The following REST variants were observed in gnomAD, a reference collection of about 807,000 sequenced individuals.
REST encodes RE1-silencing transcription factor.
REST carries 1 observed loss-of-function variant against 30.4 expected under a neutral mutation model. That is an observed-to-expected ratio of 0.03 (90% CI 0.01 to 0.16). The LOEUF (loss-of-function observed/expected upper bound fraction) is 0.16. REST is among the 10% of genes least tolerant of loss of function. The probability of loss-of-function intolerance (pLI) is 1.00; values close to 1 mark genes in which losing one functional copy is unlikely to be tolerated. For synonymous variants in REST, 504 were observed against 451.1 expected (o/e 1.12, Z -1.49); for missense variants, 1,259 against 1,329.5 (o/e 0.95, Z 0.82).
Position 56,935,250 on chromosome 4 carries a change from T to G in REST, c.*3098T>G, listed in dbSNP as rs1179902959. The G allele has an allele frequency of 6.6e-6, 1 of 152,220 alleles. No homozygotes were observed. The highest frequency in any genetic ancestry group is 1.5e-5 in the Non-Finnish European group (1 of 68,038). The allele number at this position is 152,220 out of a possible 1,614,324, so 9.4% of individuals were successfully genotyped here. ...CTGTAGTATACTGTCACTTCTGGATTGATAAGCTGAGGAAGAAAGTTAAGT... is the reference window on the plus strand; with the variant it reads ...CTGTAGTATACTGTCACTTCTGGATGGATAAGCTGAGGAAGAAAGTTAAGT... On this transcript the variant is annotated 3_prime_UTR_variant, in exon 4 of 4. Coordinates refer to ENST00000309042, the MANE Select transcript of REST (RefSeq NM_005612.5).
chr4:56,931,437 T>G lies in REST; in HGVS notation c.2579T>G (p.Leu860Arg), dbSNP rs773645911. ...AAGGAAAGTGTAAGCACAGAGGATC[T>G]CTCACCACCATCACCACCACTGCCA... ...LLKESVSTED[L>R]SPPSPPLPKE... Residue 860 changes from leucine to arginine, a missense_variant, in exon 4 of 4, where the codon CTC (leucine) becomes CGC (arginine). Leu to Arg is a moderately radical substitution (Grantham distance 102, BLOSUM62 -2). Transcript: ENST00000309042. 1.2e-6 allele frequency: 2 copies of G among 1,614,086 alleles called. No individual in the cohort carries two copies. Among genetic ancestry groups the G allele is most frequent in the African/African-American group, 2.7e-5 (2 of 74,928 alleles).
chr4:56,932,285 C>A lies in REST; in HGVS notation c.*133C>A. ...GTTGATTTTTAAGTGGCATTCTTTT[C>A]CTTAGGACTTTTTATGTATACCTGT... is the stretch of plus-strand genomic sequence containing the variant. On this transcript the variant is annotated 3_prime_UTR_variant, in exon 4 of 4. Transcript: ENST00000309042. 1.0e-6 allele frequency: 1 copy of A among 1,004,486 alleles called. No homozygotes were observed. The highest frequency in any genetic ancestry group is 1.4e-6 in the Non-Finnish European group (1 of 702,492). The allele number at this position is 1,004,486 out of a possible 1,614,324, so 62.2% of individuals were successfully genotyped here. A position where few individuals can be genotyped will look rare whatever the true frequency, so the allele number is the denominator to read the frequency against.
Position 56,934,394 on chromosome 4 carries a change from TTCTAA to T in REST, c.*2247_*2251del, listed in dbSNP as rs950017797. ...TTGCCTTTTGGGGAATTGAGCTAAC[TTCTAA>T]TCTAGTCTTAAGACTAGAATGCTAA... is the stretch of plus-strand genomic sequence containing the variant. On this transcript the variant is annotated 3_prime_UTR_variant, in exon 4 of 4. Transcript: ENST00000309042. 6 of 152,156 alleles carry T rather than the reference TTCTAA, an allele frequency of 3.9e-5. No homozygotes were observed. The highest frequency in any genetic ancestry group is 3.2e-3 in the Middle Eastern group (1 of 316). 9.4% of individuals were successfully genotyped at this position (152,156 alleles called of 1,614,324 possible).
intron 2 of REST, among the ~76,000 whole-genome samples, chr4:56,917,409 C>T (rs979088173): frequency 2.6e-5 from 4 of 152,168 alleles, no homozygotes; most frequent in African/African-American, 4.8e-5. Flanking sequence ...ACTGAAGCCT[C>T]GGCCTTCTGG....
intron 1 of REST, chr4:56,909,370 A>G (rs1055000730): frequency 6.6e-6 from 1 of 152,274 alleles, no homozygotes; most frequent in African/African-American, 2.4e-5. Flanking sequence ...TGGTGGCAGC[A>G]GCACGGAGGA....
intron 3 of REST, among the ~76,000 whole-genome samples, chr4:56,921,054 T>C (rs191659629): frequency 4.6e-5 from 7 of 151,970 alleles, no homozygotes; most frequent in Non-Finnish European, 8.8e-5. Flanking sequence ...TTAGTAGAGA[T>C]GGGGTTTCAC....
intron 3 of REST, among the ~76,000 whole-genome samples, chr4:56,926,628 C>G (rs1720723812): frequency 6.7e-6 from 1 of 149,224 alleles, no homozygotes; most frequent in South Asian, 2.3e-4. Flanking sequence ...ACAGGCGTGA[C>G]CCACCGCGCC....
intron 3 of REST, among the ~76,000 whole-genome samples, chr4:56,928,356 C>T (rs1240565110): frequency 1.3e-5 from 2 of 152,116 alleles, no homozygotes; most frequent in Non-Finnish European, 2.9e-5. Flanking sequence ...GATCCACTGC[C>T]TTCGCCTCCC....
rs1373563459 is a variant in REST, at chr4:56,930,513, A to G, written c.1655A>G (p.Lys552Arg). 1.2e-6 allele frequency: 2 copies of G among 1,611,026 alleles called. No homozygotes were observed. The highest frequency in any genetic ancestry group is 1.7e-6 in the Non-Finnish European group (2 of 1,179,358). ...KKKKKVESKS[K>R]NNSQEVPKGD... ...AAAAAGAAGGTAGAAAGCAAATCCA[A>G]AAATAATAGTCAGGAAGTGCCAAAG... Residue 552 changes from lysine (K) to arginine (R), a missense_variant, in exon 4 of 4, where the codon AAA (lysine) becomes AGA (arginine). Physicochemically the swap from Lys to Arg is conservative, Grantham distance 26 (BLOSUM62 2). Around this residue, in one of 5 missense-constraint regions of REST, gnomAD observed 856 missense variants for 772.8 expected, o/e 1.11. Coordinates refer to ENST00000309042, the MANE Select transcript of REST (RefSeq NM_005612.5).
chr4:56,926,978 C>G (rs749092742), intron 3 of REST, among the ~76,000 whole-genome samples: 14 of 151,966 alleles, frequency 9.2e-5, no homozygotes, highest in Non-Finnish European at 1.5e-4. Context: ...TGCCTGTAAT[C>G]CCAGCTACTA....
chr4:56,914,235 T>G (rs568034051), intron 2 of REST, among the ~76,000 whole-genome samples: 3 of 152,192 alleles, frequency 2.0e-5, no homozygotes, highest in Non-Finnish European at 4.4e-5. Context: ...CGACTTAATT[T>G]TTAAAAATTT....
intron 2 of REST, among the ~76,000 whole-genome samples, chr4:56,917,932 G>T (rs1165009545): frequency 1.3e-5 from 2 of 151,352 alleles, no homozygotes; most frequent in East Asian, 3.9e-4. Context: ...GGCGCCTGTA[G>T]TCCCAGCTAC....
At chr4:56,908,448 C>T (rs920865263) in intron 1 of REST, among the ~76,000 whole-genome samples, 2 of 151,944 alleles carry the variant, frequency 1.3e-5, no homozygotes, top group African/African-American at 2.4e-5. Context: ...GGGAGCAGCG[C>T]GTCGCCTGGA....
At chr4:56,910,128 A>G (rs1237667543) in intron 1 of REST, among the ~76,000 whole-genome samples, 1 of 152,230 alleles carries the variant, frequency 6.6e-6, no homozygotes. Context: ...TTGAACAATT[A>G]TTACAGGCTT....
In REST at chr4:56,931,666, T is replaced by C; in HGVS notation, c.2808T>C (p.Gly936=). 1.2e-6 allele frequency: 2 copies of C among 1,614,236 alleles called. No homozygotes were observed. Among genetic ancestry groups the C allele is most frequent in the South Asian group, 2.2e-5 (2 of 91,086 alleles). ...CGCCAGAGGGTGAAACTTTAAATGG[T>C]AAACATCAGACTGACAGTATAGTTT... ...LNTPEGETLN[G]KHQTDSIVCE... Residue 936 remains glycine (G), a synonymous_variant, in exon 4 of 4, where the codon GGT becomes GGC. Transcript: ENST00000309042.
At chr4:56,910,501 GAAGTTTACTGAGTTATA>G in intron 1 of REST, 112 bp from the exon 2 acceptor site, 2 of 706,520 alleles carry the variant, frequency 2.8e-6, no homozygotes, top group East Asian at 5.5e-5. Context: ...AATAGGCGAT[GAAGTTTACTGAGTTATA>G]AAGATCATAC....
rs1312112506 is a variant in REST at position 56,907,938 on chromosome 4, C to A, written c.-285C>A. ...CGTCCTGTGTTGGAATGTGCGGCTGCCGCGAGCTCGCGGCGCAGCAGCGGA... is the reference window on the plus strand; with the variant it reads ...CGTCCTGTGTTGGAATGTGCGGCTGACGCGAGCTCGCGGCGCAGCAGCGGA... On this transcript the variant is annotated 5_prime_UTR_variant, in exon 1 of 4. It introduces an in-frame stop codon into an upstream open reading frame of the 5' UTR. Transcript: ENST00000309042. The A allele has an allele frequency of 3.2e-6, 1 of 308,328 alleles. No individual in the cohort carries two copies. Among genetic ancestry groups the A allele is most frequent in the East Asian group, 4.8e-5 (1 of 20,776 alleles). 19.1% of individuals were successfully genotyped at this position (308,328 alleles called of 1,614,324 possible). A position where few individuals can be genotyped will look rare whatever the true frequency, so the allele number is the denominator to read the frequency against.
chr4:56,928,452 G>T (rs1227612659), intron 3 of REST, among the ~76,000 whole-genome samples: 1 of 151,914 alleles, frequency 6.6e-6, no homozygotes, highest in East Asian at 1.9e-4. Flanking sequence ...GCCTTGCCCT[G>T]TTGCCCAGGT....
chr4:56,908,983 C>T (rs1475226230), intron 1 of REST: 2 of 151,866 alleles, frequency 1.3e-5, no homozygotes, highest in Admixed American at 6.6e-5. Context: ...TGGGCGAGCC[C>T]CGGGGCGGTC....
Sources: gnomAD v4.1 joint callset for allele counts (sites outside exome capture counted in the v4.1 genomes callset) on GRCh38, gnomAD v4.1.1 for gene constraint, gnomAD v4.1.1 regional missense constraint, MANE v1.5 for transcripts, NCBI Gene and HGNC (gene_info 2026-07-23, HGNC 2026-07-21) for gene names.